PRELID3B: variants seen among roughly 807,000 people sequenced by gnomAD.
PRELID3B encodes the protein PRELI domain containing protein 3B.
Under a neutral mutation model 24.0 loss-of-function variants are expected in PRELID3B, and 15 were observed. The ratio of observed to expected loss-of-function variants is 0.63; its 90% CI spans 0.42 to 0.96. The LOEUF (loss-of-function observed/expected upper bound fraction) is 0.96. Among genes scored for constraint, PRELID3B ranks in the 40% least tolerant of loss-of-function variants. The probability of loss-of-function intolerance (pLI) is 0.00; values close to 1 mark genes in which losing one functional copy is unlikely to be tolerated. For synonymous variants in PRELID3B, 62 were observed against 76.0 expected, an observed-to-expected ratio of 0.82 and a Z score of 0.96; for missense variants, 189 against 236.0, an observed-to-expected ratio of 0.80 and a Z score of 1.30.
chr20:59,037,448 T>C, intron 2 of PRELID3B, 168 bp from the exon 3 acceptor site: 2 of 669,916 alleles, frequency 3.0e-6, no homozygotes, highest in South Asian at 3.3e-5. Context: ...TATTCACATA[T>C]CATGGATGAG....
chr20:59,037,516 G>C (rs2092082257), intron 2 of PRELID3B, among the ~76,000 whole-genome samples: 1 of 152,240 alleles, frequency 6.6e-6, no homozygotes, highest in Admixed American at 6.5e-5. Context: ...AGCCCACTGA[G>C]AACGTCTGCA....
chr20:59,037,711 C>T (rs546305413), intron 2 of PRELID3B, among the ~76,000 whole-genome samples: 1 of 152,334 alleles, frequency 6.6e-6, no homozygotes, highest in South Asian at 2.1e-4. Context: ...AGAAAAACAG[C>T]GTTCTTACGA....
At chr20:59,037,101 G>C in intron 3 of PRELID3B, 90 bp downstream of exon 3, 1 of 945,010 alleles carries the variant, frequency 1.1e-6, no homozygotes, top group Admixed American at 2.0e-5. Flanking sequence ...ACCACATCAT[G>C]AACACGCACT....
intron 5 of PRELID3B, among the ~76,000 whole-genome samples, chr20:59,035,523 C>T (rs994857655): frequency 1.3e-5 from 2 of 152,198 alleles, no homozygotes; most frequent in African/African-American, 4.8e-5. Context: ...CCCTTCTCTC[C>T]TAGTGTTCTA....
At chr20:59,035,903 G>A (rs1360701586) in intron 5 of PRELID3B, among the ~76,000 whole-genome samples, 3 of 152,062 alleles carry the variant, frequency 2.0e-5, no homozygotes, top group Non-Finnish European at 2.9e-5. Context: ...ACAGTGCATG[G>A]CATCTTTCTC....
At chr20:59,037,821 T>C (rs1352682219) in intron 2 of PRELID3B, among the ~76,000 whole-genome samples, 1 of 152,250 alleles carries the variant, frequency 6.6e-6, no homozygotes, top group Non-Finnish European at 1.5e-5. Flanking sequence ...ATGGTTTGCA[T>C]AAGGAGGCAG....
chr20:59,034,999 T>G lies in PRELID3B; in HGVS notation c.*8A>C. 1 of 1,608,588 alleles carries G rather than the reference T, an allele frequency of 6.2e-7. No homozygotes were observed. Among genetic ancestry groups the G allele is most frequent in the Non-Finnish European group, 8.5e-7 (1 of 1,177,302 alleles). ...GGAGTACCCGATGTTGTCTACCAACTGTCACGATCACTTCTCTGCAAACGC... is the reference window on the plus strand; with the variant it reads ...GGAGTACCCGATGTTGTCTACCAACGGTCACGATCACTTCTCTGCAAACGC... On this transcript the variant is annotated 3_prime_UTR_variant, in exon 6 of 6. Coordinates refer to ENST00000355937, the MANE Select transcript of PRELID3B (RefSeq NM_016045.3).
At position 59,036,529 on chromosome 20, in the gene PRELID3B, C is replaced by T; in HGVS notation, c.407G>A (p.Ser136Asn). ...QEAIITVKGV[S>N]LSSYLEGLMA... ...CAGTCCTTCAAGGTAACTGCTGAGG[C>T]TAACTCCTTTCACGGTAATTATGGC... Residue 136 changes from serine to asparagine, a missense_variant, in exon 5 of 6, where the codon AGC (serine) becomes AAC (asparagine). Transcript: ENST00000355937. 6.2e-7 allele frequency: 1 copy of T among 1,614,208 alleles called. No homozygotes were observed. The highest frequency in any genetic ancestry group is 8.5e-7 in the Non-Finnish European group (1 of 1,180,028).
At chr20:59,035,601 C>T (rs926201114) in intron 5 of PRELID3B, among the ~76,000 whole-genome samples, 11 of 152,180 alleles carry the variant, frequency 7.2e-5, no homozygotes, top group African/African-American at 2.7e-4. Context: ...GCAGCTCCTC[C>T]ACCTAGAACA....
At chr20:59,041,032 C>T (rs577526119) in intron 1 of PRELID3B, among the ~76,000 whole-genome samples, 33 of 152,142 alleles carry the variant, frequency 2.2e-4, no homozygotes, top group African/African-American at 7.7e-4. Flanking sequence ...GACAGGGAAG[C>T]GCTGAAGACA....
intron 2 of PRELID3B, among the ~76,000 whole-genome samples, chr20:59,037,532 A>G (rs1337803063): frequency 6.6e-6 from 1 of 152,244 alleles, no homozygotes; most frequent in African/African-American, 2.4e-5. Flanking sequence ...CTGCAACGTG[A>G]GGCAGCACGC....
rs1319999061 is a variant in PRELID3B, at chr20:59,038,619, A to G, written c.48T>C (p.Thr16=). The change falls in exon 2 of 6, where the codon ACT becomes ACC. Residue 16 remains threonine (T), a synonymous_variant. Coordinates refer to ENST00000355937, the MANE Select transcript of PRELID3B (RefSeq NM_016045.3). The part of the protein sequence containing the change: ...SEHVFDHPWE[T]VTTAAMQKYP... ...ATTTCTGCATTGCAGCTGTTGTAACAGTTTCCCACGGGTGGCTGCCGATGT... is the reference window on the plus strand; with the variant it reads ...ATTTCTGCATTGCAGCTGTTGTAACGGTTTCCCACGGGTGGCTGCCGATGT... The G allele has an allele frequency of 1.2e-6, 2 of 1,602,278 alleles. No individual in the cohort carries two copies. The highest frequency in any genetic ancestry group is 2.7e-5 in the African/African-American group (2 of 73,436).
At chr20:59,042,637 C>T (rs968186395) in intron 1 of PRELID3B, 62 bp downstream of exon 1, 20 of 1,546,940 alleles carry the variant, frequency 1.3e-5, no homozygotes, top group Non-Finnish European at 1.8e-5. Flanking sequence ...GCCTCTGCCT[C>T]GCCTCTACTC....
In PRELID3B at chr20:59,040,305, G is replaced by A. The variant is rs759660307; in HGVS notation, c.33-1671C>T. Among the ~76,000 whole-genome samples the A allele has an allele frequency of 2.0e-5, 3 of 152,126 alleles. No homozygotes were observed. The highest frequency in any genetic ancestry group is 4.1e-4 in the South Asian group (2 of 4,824). On this transcript the variant is annotated intron_variant, in intron 1 of 5. Coordinates refer to ENST00000355937, the MANE Select transcript of PRELID3B (RefSeq NM_016045.3). This position sits in a 1 kb window ranked among gnomAD's most constrained non-coding sequence, Gnocchi z 4.1. The stretch of plus-strand genomic sequence containing the variant: ...ATCTGAGCTGTATTAACATAATTAC[G>A]TGGAAAAGATCTCACAATGGAAGAC...
chr20:59,034,890 CAAAAAAAAA>C lies in PRELID3B; in HGVS notation c.*108_*116del. ...GTCACATAGCCTTACACCAACTTAT[CAAAAAAAAA>C]AAAAAAAAAACTACCCAAAATATAG... On this transcript the variant is annotated 3_prime_UTR_variant, in exon 6 of 6. Coordinates refer to ENST00000355937, the MANE Select transcript of PRELID3B (RefSeq NM_016045.3). 1 of 665,902 alleles carries C rather than the reference CAAAAAAAAA, an allele frequency of 1.5e-6. No individual in the cohort carries two copies. The highest frequency in any genetic ancestry group is 2.0e-6 in the Non-Finnish European group (1 of 488,196). The allele number at this position is 665,902 out of a possible 1,614,324, so 41.2% of individuals were successfully genotyped here.
intron 5 of PRELID3B, 28 bp downstream of exon 5, chr20:59,036,443 A>G: frequency 6.5e-7 from 1 of 1,530,286 alleles, no homozygotes; most frequent in Non-Finnish European, 9.0e-7. Context: ...GAACCAGGGA[A>G]TAATAACCAA....
In PRELID3B at chr20:59,034,858, T is replaced by G; in HGVS notation, c.*149A>C. On this transcript the variant is annotated 3_prime_UTR_variant, in exon 6 of 6. Transcript: ENST00000355937. ...TTATTTAGAGGCCCTGCATCTGTTT[T>G]GATCAAGTCACATAGCCTTACACCA... 1 of 587,632 alleles carries G rather than the reference T, an allele frequency of 1.7e-6. No homozygotes were observed. Among genetic ancestry groups the G allele is most frequent in the Non-Finnish European group, 2.6e-6 (1 of 385,566 alleles). The allele number at this position is 587,632 out of a possible 1,614,324, so 36.4% of individuals were successfully genotyped here. A position where few individuals can be genotyped will look rare whatever the true frequency, so the allele number is the denominator to read the frequency against.
chr20:59,036,427 G>A (rs1197761910), intron 5 of PRELID3B, 44 bp downstream of exon 5: 1 of 1,459,794 alleles, frequency 6.9e-7, no homozygotes, highest in African/African-American at 1.4e-5. Context: ...TCCATTCCCA[G>A]GAAATGAACC....
chr20:59,036,520 C>T lies in PRELID3B; in HGVS notation c.416G>A (p.Ser139Asn). Residue 139 changes from serine to asparagine, a missense_variant, in exon 5 of 6, where the codon AGT becomes AAT. Coordinates refer to ENST00000355937, the MANE Select transcript of PRELID3B (RefSeq NM_016045.3). The stretch of plus-strand genomic sequence containing the variant: ...ACTTGCCATCAGTCCTTCAAGGTAA[C>T]TGCTGAGGCTAACTCCTTTCACGGT... ...IITVKGVSLS[S>N]YLEGLMASTI... The T allele has an allele frequency of 6.2e-7, 1 of 1,614,220 alleles. No homozygotes were observed. Among genetic ancestry groups the T allele is most frequent in the Non-Finnish European group, 8.5e-7 (1 of 1,180,030 alleles).
Sources: allele counts gnomAD v4.1 joint callset (sites outside exome capture counted in the v4.1 genomes callset), GRCh38; gene constraint gnomAD v4.1.1; non-coding constraint Gnocchi (gnomAD v3.1); transcripts MANE v1.5; gene names NCBI Gene and HGNC (gene_info 2026-07-23, HGNC 2026-07-21).